JPH3: variants seen among roughly 807,000 people sequenced by gnomAD.
JPH3 encodes the protein junctophilin-3.
JPH3 carries 11 observed loss-of-function variants against 59.6 expected under a neutral mutation model. That is an observed-to-expected ratio of 0.18 (90% CI 0.12 to 0.31). The LOEUF (loss-of-function observed/expected upper bound fraction) is 0.31. Ranked by LOEUF, JPH3 falls within the 10% of genes least tolerant of loss-of-function variation. The pLI, the probability that JPH3 is intolerant of heterozygous loss-of-function variation, is 1.00. For missense variants in JPH3, 1,202 were observed against 1,105.7 expected (o/e 1.09, Z -1.24); for synonymous variants, 673 against 483.6 (o/e 1.39, Z -5.14).
chr16:87,679,156 T>A (rs139924748), intron 2 of JPH3, among the ~76,000 whole-genome samples: 1 of 152,354 alleles, frequency 6.6e-6, no homozygotes, highest in Non-Finnish European at 1.5e-5. Context: ...CTCGACCTCC[T>A]GCCTGTCCCT....
At chr16:87,649,277 C>T (rs545647280) in intron 2 of JPH3, among the ~76,000 whole-genome samples, 5 of 152,216 alleles carry the variant, frequency 3.3e-5, no homozygotes, top group East Asian at 3.9e-4. Context: ...CCTGCCGTGT[C>T]GCCTAGCAGT....
At chr16:87,646,314 T>C (rs1040287357) in intron 2 of JPH3, among the ~76,000 whole-genome samples, 1 of 152,266 alleles carries the variant, frequency 6.6e-6, no homozygotes, top group Admixed American at 6.5e-5. Context: ...TCGCGACTTC[T>C]ATTGTTTTAG....
intron 1 of JPH3, among the ~76,000 whole-genome samples, chr16:87,632,277 A>G (rs765672848): frequency 9.2e-5 from 14 of 152,312 alleles, no homozygotes; most frequent in East Asian, 5.8e-4. Context: ...AAAAGACGAA[A>G]AAAAGAGCAC....
At chr16:87,684,043 A>C in intron 2 of JPH3, 99 bp from the exon 3 acceptor site, 2 of 810,304 alleles carry the variant, frequency 2.5e-6, no homozygotes, top group Non-Finnish European at 4.1e-6. Context: ...ATCTTGTCTT[A>C]GCCCAGCCCG....
intron 1 of JPH3, among the ~76,000 whole-genome samples, chr16:87,616,190 TTG>T (rs56053716): frequency 0.061 from 7,087 of 115,872 alleles, 237 homozygotes; most frequent in African/African-American, 0.11. Flanking sequence ...CAATCTGGTT[TTG>T]TGTGTGTGTG....
At chr16:87,627,799 C>T (rs983155683) in intron 1 of JPH3, among the ~76,000 whole-genome samples, 7 of 152,174 alleles carry the variant, frequency 4.6e-5, no homozygotes, top group East Asian at 1.9e-4. Context: ...TGCCGGTGGG[C>T]GGGTTTTCTC....
intron 1 of JPH3, among the ~76,000 whole-genome samples, chr16:87,617,537 C>T (rs2031016562): frequency 6.7e-6 from 1 of 150,006 alleles, no homozygotes; most frequent in Non-Finnish European, 1.5e-5. Flanking sequence ...AAATGGGGGG[C>T]CAGAGAGGAA....
intron 1 of JPH3, among the ~76,000 whole-genome samples, chr16:87,636,687 CAG>C (rs1167580909): frequency 1.3e-5 from 2 of 152,220 alleles, no homozygotes; most frequent in Non-Finnish European, 2.9e-5. Context: ...GTTATAAAAT[CAG>C]AGCTATGTTC....
chr16:87,623,311 GTCCTTGGCTCAT>G (rs1300176135), intron 1 of JPH3, among the ~76,000 whole-genome samples: 14 of 152,226 alleles, frequency 9.2e-5, no homozygotes, highest in Admixed American at 2.0e-4. Context: ...GGACACTGAT[GTCCTTGGCTCAT>G]TCCTCCCTGG....
At chr16:87,649,113 G>A (rs1159707775) in intron 2 of JPH3, among the ~76,000 whole-genome samples, 1 of 152,210 alleles carries the variant, frequency 6.6e-6, no homozygotes, top group Non-Finnish European at 1.5e-5. Context: ...CCGTCTGGGT[G>A]AGACCCTCTG....
chr16:87,677,025 G>A (rs1381165642), intron 2 of JPH3, among the ~76,000 whole-genome samples: 4 of 151,408 alleles, frequency 2.6e-5, no homozygotes, highest in Non-Finnish European at 4.4e-5. Flanking sequence ...CGGGCGTGGT[G>A]GCGGGCGCCT....
chr16:87,630,834 C>G (rs983446651), intron 1 of JPH3, among the ~76,000 whole-genome samples: 12 of 152,192 alleles, frequency 7.9e-5, no homozygotes, highest in Non-Finnish European at 1.3e-4. Context: ...TTTTCAATCC[C>G]TTAGACCCCC....
chr16:87,658,183 C>T (rs1462209088), intron 2 of JPH3, among the ~76,000 whole-genome samples: 1 of 152,158 alleles, frequency 6.6e-6, no homozygotes, highest in Non-Finnish European at 1.5e-5. Context: ...AGTGAATGGA[C>T]ACCAGGGAGC....
At chr16:87,608,226 G>A (rs925582219) in intron 1 of JPH3, among the ~76,000 whole-genome samples, 1 of 152,236 alleles carries the variant, frequency 6.6e-6, no homozygotes, top group African/African-American at 2.4e-5. Context: ...GAGTGTGGGG[G>A]TGGGGGCAGG....
Position 87,644,953 on chromosome 16 carries a change from C to A in JPH3, c.1078C>A (p.Arg360Ser). ...NLIPLRASKIREKVDRAVEAA... is the reference protein window; with the variant it reads ...NLIPLRASKISEKVDRAVEAA... ...CATCCCCCTGCGGGCCAGCAAGATC[C>A]GCGAGAAGGTGGACCGCGCCGTTGA... Residue 360 changes from arginine to serine, a missense_variant, in exon 2 of 5, where the codon CGC (arginine) becomes AGC (serine). Physicochemically the swap from Arg to Ser is moderately radical, Grantham distance 110. Transcript: ENST00000284262. 1 of 1,611,804 alleles carries A rather than the reference C, an allele frequency of 6.2e-7. No homozygotes were observed. The highest frequency in any genetic ancestry group is 8.5e-7 in the Non-Finnish European group (1 of 1,179,886).
intron 1 of JPH3, among the ~76,000 whole-genome samples, chr16:87,636,834 G>A (rs1337652621): frequency 6.6e-6 from 1 of 152,244 alleles, no homozygotes; most frequent in Non-Finnish European, 1.5e-5. Context: ...CCTAGAGGTG[G>A]GTGCGATTGT....
intron 1 of JPH3, among the ~76,000 whole-genome samples, chr16:87,643,380 A>ACCCT (rs1463923624): frequency 6.9e-6 from 1 of 145,938 alleles, no homozygotes; most frequent in Admixed American, 6.9e-5. Context: ...TGCAGTCCCC[A>ACCCT]CCCTCCCTTC....
chr16:87,677,195 C>CACAT (rs1237214318), intron 2 of JPH3, among the ~76,000 whole-genome samples: 5 of 115,866 alleles, frequency 4.3e-5, no homozygotes, highest in African/African-American at 1.9e-4. Flanking sequence ...TACACACACA[C>CACAT]ACACACACAC....
In JPH3 at chr16:87,611,815, C is replaced by T. The variant is rs1432407646; in HGVS notation, c.382+8287C>T. On this transcript the variant is annotated intron_variant, in intron 1 of 4. Coordinates refer to ENST00000284262, the MANE Select transcript of JPH3 (RefSeq NM_020655.4). The surrounding 1 kb of genome is among the most constrained non-coding windows in gnomAD (Gnocchi z 4.5). ...ATGCTGAGGCTGCTGATCTGGGGAC[C>T]TCACATTAAGAACCACAGTCCTGGG... Among the ~76,000 whole-genome samples the T allele has an allele frequency of 3.3e-5, 5 of 152,222 alleles. No homozygotes were observed. Among genetic ancestry groups the T allele is most frequent in the African/African-American group, 1.2e-4 (5 of 41,452 alleles).
Sources: gnomAD v4.1 joint callset for allele counts (sites outside exome capture counted in the v4.1 genomes callset) on GRCh38, gnomAD v4.1.1 for gene constraint, Gnocchi (gnomAD v3.1) non-coding constraint, MANE v1.5 for transcripts, NCBI Gene and HGNC (gene_info 2026-07-23, HGNC 2026-07-21) for gene names.